USO1: variants seen among roughly 807,000 people sequenced by gnomAD.
USO1 encodes general vesicular transport factor p115.
Under a neutral mutation model 124.5 loss-of-function variants are expected in USO1, and 57 were observed. That is an observed-to-expected ratio of 0.46 (90% CI 0.37 to 0.57). The LOEUF (loss-of-function observed/expected upper bound fraction) is 0.57. Among genes scored for constraint, USO1 ranks in the 20% least tolerant of loss-of-function variants. The probability of loss-of-function intolerance (pLI) is 0.00; values close to 1 mark genes in which losing one functional copy is unlikely to be tolerated. For missense variants in USO1, 900 were observed against 1,040.6 expected (o/e 0.86, Z 1.86); for synonymous variants, 369 against 362.8 (o/e 1.02, Z -0.19).
intron 9 of USO1, among the ~76,000 whole-genome samples, chr4:75,785,173 CATT>C (rs891971742): frequency 6.6e-6 from 1 of 152,120 alleles, no homozygotes; most frequent in Non-Finnish European, 1.5e-5. Flanking sequence ...AAAAATGCAT[CATT>C]GTTTTCCTGT....
intron 23 of USO1, 114 bp downstream of exon 23, chr4:75,812,489 G>A (rs1001021036): frequency 4.2e-5 from 55 of 1,310,134 alleles, no homozygotes; most frequent in Non-Finnish European, 1.1e-5. Flanking sequence ...ATGGATATGT[G>A]GGTTCATGAA....
intron 8 of USO1, among the ~76,000 whole-genome samples, chr4:75,776,062 T>G (rs982048800): frequency 1.3e-5 from 2 of 152,186 alleles, no homozygotes; most frequent in Non-Finnish European, 2.9e-5. Context: ...ATGCCAATGA[T>G]GTTTTCCGTG....
rs199872592 is a variant in USO1 at position 75,790,182 on chromosome 4, C to A, written c.1029C>A (p.Gly343=). 8 of 1,604,662 alleles carry A rather than the reference C, an allele frequency of 5.0e-6. No homozygotes were observed. In the East Asian group the frequency reaches 1.6e-4, roughly 31 times the overall value. The change falls in exon 11 of 24, where the codon GGC becomes GGA. Residue 343 remains glycine, a synonymous_variant. Coordinates refer to ENST00000514213, the MANE Select transcript of USO1 (RefSeq NM_003715.4). ...ATACTGTATCAGAAGTTATTCGAGGCTGCCAAGTAAACCAAGACTACTTTG... is the reference window on the plus strand; with the variant it reads ...ATACTGTATCAGAAGTTATTCGAGGATGCCAAGTAAACCAAGACTACTTTG... The part of the protein sequence containing the change: ...TINTVSEVIR[G]CQVNQDYFAS...
intron 3 of USO1, chr4:75,755,581 CAGTT>C (rs1721417185): frequency 6.2e-6 from 3 of 480,734 alleles, no homozygotes; most frequent in South Asian, 1.5e-5. Context: ...TTGTCCATAA[CAGTT>C]AGGACCTTTT....
chr4:75,756,917 G>A (rs1019344230), intron 3 of USO1, among the ~76,000 whole-genome samples: 10 of 151,494 alleles, frequency 6.6e-5, no homozygotes, highest in East Asian at 3.9e-4. Flanking sequence ...AGTCTACTTC[G>A]TTCCTCTAGA....
At chr4:75,787,598 T>C (rs1357704564) in intron 10 of USO1, among the ~76,000 whole-genome samples, 2 of 152,192 alleles carry the variant, frequency 1.3e-5, no homozygotes, top group African/African-American at 4.8e-5. Context: ...GTTGCTTACC[T>C]ATAAGAAAAA....
intron 13 of USO1, among the ~76,000 whole-genome samples, chr4:75,796,041 C>CTG (rs1249161874): frequency 6.6e-6 from 1 of 151,974 alleles, no homozygotes; most frequent in African/African-American, 2.4e-5. Context: ...AAATGAGGTC[C>CTG]TGTTATGAAT....
Position 75,724,662 on chromosome 4 carries a change from G to A in USO1, c.-158G>A. 8 of 673,876 alleles carry A rather than the reference G, an allele frequency of 1.2e-5. No homozygotes were observed. In the South Asian group the frequency reaches 1.5e-4, roughly 13 times the overall value. 41.7% of individuals were successfully genotyped at this position (673,876 alleles called of 1,614,324 possible). A position where few individuals can be genotyped will look rare whatever the true frequency, so the allele number is the denominator to read the frequency against. On this transcript the variant is annotated 5_prime_UTR_variant, in exon 1 of 24. Transcript: ENST00000514213. ...TGGCCGCTGCTGGCGGCTGTTTCCG[G>A]GCTTAGAGGGCTGGAGTGGCCGCCG...
At chr4:75,731,598 A>T (rs1002323624) in intron 1 of USO1, among the ~76,000 whole-genome samples, 1 of 152,158 alleles carries the variant, frequency 6.6e-6, no homozygotes, top group Non-Finnish European at 1.5e-5. Flanking sequence ...ATCTAAAACA[A>T]TAATATTTTT....
chr4:75,802,469 T>C (rs188303718), intron 17 of USO1, among the ~76,000 whole-genome samples: 270 of 152,330 alleles, frequency 1.8e-3, no homozygotes, highest in Non-Finnish European at 3.4e-3. Flanking sequence ...AAATGTTCAT[T>C]TTAAATATTC....
chr4:75,771,735 T>C (rs28460210), intron 7 of USO1, among the ~76,000 whole-genome samples: 1 of 152,244 alleles, frequency 6.6e-6, no homozygotes, highest in African/African-American at 2.4e-5. Flanking sequence ...TCTGGACTTA[T>C]TTTCCATTCC....
In USO1 at chr4:75,782,687, A is replaced by C; in HGVS notation, c.684A>C (p.Val228=). ...TTTACATTATTTCCCCAGGTATAGT[A>C]GTTGAAGATTGTTTGATTTTGCTCC... ...SEEGNSDGGI[V]VEDCLILLQN... is the part of the protein sequence containing the mutation. The change falls in exon 9 of 24, where the codon GTA becomes GTC. Residue 228 remains valine (V), a synonymous_variant. Coordinates refer to ENST00000514213, the MANE Select transcript of USO1 (RefSeq NM_003715.4). 1 of 1,560,292 alleles carries C rather than the reference A, an allele frequency of 6.4e-7. No homozygotes were observed. Among genetic ancestry groups the C allele is most frequent in the Non-Finnish European group, 8.7e-7 (1 of 1,152,790 alleles).
intron 1 of USO1, among the ~76,000 whole-genome samples, chr4:75,751,222 A>G (rs1468860845): frequency 1.3e-5 from 2 of 149,986 alleles, no homozygotes; most frequent in Non-Finnish European, 3.0e-5. Flanking sequence ...TTATTTATTT[A>G]TTTATTTGAA....
chr4:75,733,774 T>A (rs1008809661), intron 1 of USO1, among the ~76,000 whole-genome samples: 2 of 152,136 alleles, frequency 1.3e-5, no homozygotes, highest in Non-Finnish European at 1.5e-5. Flanking sequence ...AGTTGTTTGT[T>A]TACTCTGTTG....
At chr4:75,803,385 C>G (rs1338768947) in intron 17 of USO1, among the ~76,000 whole-genome samples, 1 of 151,674 alleles carries the variant, frequency 6.6e-6, no homozygotes, top group African/African-American at 2.4e-5. Flanking sequence ...CGGTGGCTCA[C>G]GCCTGTAATC....
chr4:75,771,038 T>A (rs768706943), intron 6 of USO1, 44 bp from the exon 7 acceptor site: 4 of 1,599,298 alleles, frequency 2.5e-6, no homozygotes, highest in Non-Finnish European at 2.6e-6. Context: ...TCACTATTTG[T>A]ATTTTTGGTC....
chr4:75,805,010 G>C (rs1019248031), intron 18 of USO1, 130 bp from the exon 19 acceptor site: 1 of 1,243,290 alleles, frequency 8.0e-7, no homozygotes, highest in Admixed American at 3.2e-5. Flanking sequence ...ATTCTGCAAA[G>C]ATGAAATGTG....
intron 4 of USO1, among the ~76,000 whole-genome samples, chr4:75,760,889 G>A (rs1029618760): frequency 8.5e-5 from 13 of 152,294 alleles, no homozygotes; most frequent in Admixed American, 8.5e-4. Context: ...GCTCACACTT[G>A]TAATCCCAGC....
At chr4:75,781,755 C>A (rs1264937252) in intron 8 of USO1, among the ~76,000 whole-genome samples, 3 of 103,200 alleles carry the variant, frequency 2.9e-5, no homozygotes, top group Admixed American at 2.1e-4. Context: ...AAAATGATGT[C>A]TTTTTAAAAA....
Sources: allele counts gnomAD v4.1 joint callset (sites outside exome capture counted in the v4.1 genomes callset), GRCh38; gene constraint gnomAD v4.1.1; transcripts MANE v1.5; gene names NCBI Gene and HGNC (gene_info 2026-07-23, HGNC 2026-07-21).